Variants in CAMTA1 observed in about 807,000 individuals in gnomAD.
CAMTA1 encodes the protein calmodulin binding transcription activator 1.
Under a neutral mutation model 170.9 loss-of-function variants are expected in CAMTA1, and 27 were observed. That is an observed-to-expected ratio of 0.16 (90% CI 0.12 to 0.22). The LOEUF is 0.22. Ranked by LOEUF, CAMTA1 falls within the 10% of genes least tolerant of loss-of-function variation. CAMTA1 has a pLI of 1.00. For missense variants in CAMTA1, 1,619 were observed against 2,217.2 expected, an observed-to-expected ratio of 0.73 and a Z score of 5.42; for synonymous variants, 833 against 891.5, an observed-to-expected ratio of 0.93 and a Z score of 1.17.
intron 5 of CAMTA1, among the ~76,000 whole-genome samples, chr1:7,312,356 A>G (rs1276563565): frequency 6.6e-6 from 1 of 150,772 alleles, no homozygotes; most frequent in Non-Finnish European, 1.5e-5. Context: ...GAGTGTCCAG[A>G]GCCTGTTTTC....
At chr1:7,317,527 A>C (rs1677708459) in intron 5 of CAMTA1, among the ~76,000 whole-genome samples, 1 of 152,254 alleles carries the variant, frequency 6.6e-6, no homozygotes, top group Non-Finnish European at 1.5e-5. Flanking sequence ...TCGTGTTGTT[A>C]TCTAAGCAAA....
At chr1:7,713,243 A>G (rs916024948) in intron 11 of CAMTA1, among the ~76,000 whole-genome samples, 2 of 152,312 alleles carry the variant, frequency 1.3e-5, no homozygotes, top group East Asian at 3.9e-4. Context: ...CCATTCATCC[A>G]CGTAATTTTA....
chr1:7,365,393 C>T (rs1480210227), intron 5 of CAMTA1, among the ~76,000 whole-genome samples: 1 of 152,174 alleles, frequency 6.6e-6, no homozygotes, highest in Non-Finnish European at 1.5e-5. Context: ...TATTACTGGG[C>T]TATTACTGGA....
chr1:6,809,260 C>T (rs534955499), intron 1 of CAMTA1, among the ~76,000 whole-genome samples: 1 of 152,212 alleles, frequency 6.6e-6, no homozygotes, highest in East Asian at 1.9e-4. Flanking sequence ...CTCCTGACCT[C>T]AGGTGATCCG....
chr1:7,164,233 T>C (rs1258272752), intron 4 of CAMTA1, among the ~76,000 whole-genome samples: 1 of 152,202 alleles, frequency 6.6e-6, no homozygotes, highest in Non-Finnish European at 1.5e-5. Flanking sequence ...CAATATTGAC[T>C]AAGAGCCTCC....
chr1:7,043,363 ATG>A (rs1704790827), intron 3 of CAMTA1, among the ~76,000 whole-genome samples: 1 of 80,588 alleles, frequency 1.2e-5, no homozygotes, highest in African/African-American at 8.3e-5. Context: ...GAGTGTGTGC[ATG>A]TCTCTGTGTG....
chr1:6,806,775 TTATA>T (rs1265903254), intron 1 of CAMTA1, among the ~76,000 whole-genome samples: 1 of 152,358 alleles, frequency 6.6e-6, no homozygotes, highest in East Asian at 1.9e-4. Flanking sequence ...AACTAGCAGA[TTATA>T]TATATGAATA....
intron 5 of CAMTA1, among the ~76,000 whole-genome samples, chr1:7,336,600 G>A (rs2083396385): frequency 6.6e-6 from 1 of 152,198 alleles, no homozygotes; most frequent in South Asian, 2.1e-4. Flanking sequence ...AGAGGCACAG[G>A]GCTTGTTACA....
At chr1:7,358,541 C>A (rs1367344147) in intron 5 of CAMTA1, among the ~76,000 whole-genome samples, 1 of 152,138 alleles carries the variant, frequency 6.6e-6, no homozygotes, top group African/African-American at 2.4e-5. Flanking sequence ...TCCCTGCATG[C>A]CCCGCGCCAC....
At chr1:6,944,779 C>T (rs551237217) in intron 3 of CAMTA1, among the ~76,000 whole-genome samples, 3 of 152,336 alleles carry the variant, frequency 2.0e-5, no homozygotes, top group African/African-American at 7.2e-5. Context: ...GCAGTTTTTC[C>T]ACTGTACCAA....
At chr1:7,422,190 A>G (rs1440622791) in intron 5 of CAMTA1, among the ~76,000 whole-genome samples, 1 of 152,064 alleles carries the variant, frequency 6.6e-6, no homozygotes, top group African/African-American at 2.4e-5. Context: ...TGGGTCGTAC[A>G]TGCAGGCGTG....
At chr1:6,804,666 T>C (rs891262805) in intron 1 of CAMTA1, among the ~76,000 whole-genome samples, 1 of 152,224 alleles carries the variant, frequency 6.6e-6, no homozygotes, top group African/African-American at 2.4e-5. Flanking sequence ...AAGGTTTTTA[T>C]CTATGTTGTA....
At chr1:7,191,041 A>G (rs1422743115) in intron 4 of CAMTA1, among the ~76,000 whole-genome samples, 1 of 152,110 alleles carries the variant, frequency 6.6e-6, no homozygotes, top group Non-Finnish European at 1.5e-5. Flanking sequence ...ACATACTGAG[A>G]TAGTGCAGGT....
intron 3 of CAMTA1, among the ~76,000 whole-genome samples, chr1:6,912,278 C>G (rs1679880525): frequency 6.6e-6 from 1 of 152,204 alleles, no homozygotes; most frequent in African/African-American, 2.4e-5. Flanking sequence ...CAAGTTCTTT[C>G]CAACTGGCTG....
At chr1:7,204,013 A>G (rs1170095082) in intron 4 of CAMTA1, among the ~76,000 whole-genome samples, 1 of 148,752 alleles carries the variant, frequency 6.7e-6, no homozygotes, top group Non-Finnish European at 1.5e-5. Flanking sequence ...TTTTTTTGGT[A>G]TTTTTTAGTA....
intron 6 of CAMTA1, among the ~76,000 whole-genome samples, chr1:7,540,772 C>CA (rs539182976): frequency 1.3e-4 from 20 of 150,438 alleles, no homozygotes; most frequent in South Asian, 2.1e-4. Context: ...GTTACATAGT[C>CA]AAAAAAAAAG....
intron 3 of CAMTA1, among the ~76,000 whole-genome samples, chr1:7,004,600 C>G (rs780973665): frequency 2.6e-5 from 4 of 152,136 alleles, no homozygotes; most frequent in Non-Finnish European, 4.4e-5. Flanking sequence ...ATATGCCGAT[C>G]CATGAATGAA....
rs2092591521 is a variant in CAMTA1 at position 7,443,157 on chromosome 1, G to A, written c.439-24673G>A. ...CAAGTCAAAGCCCTGGATGACGGCT[G>A]CAAAGCATAAGGCTTCGGGTTCCCA... is the stretch of plus-strand genomic sequence containing the variant. On this transcript the variant is annotated intron_variant, in intron 5 of 22. Coordinates refer to ENST00000303635, the MANE Select transcript of CAMTA1 (RefSeq NM_015215.4). This position sits in a 1 kb window ranked among gnomAD's most constrained non-coding sequence, Gnocchi z 4.1. Among the ~76,000 whole-genome samples, 2 of 152,222 alleles carry A rather than the reference G, an allele frequency of 1.3e-5. No individual in the cohort carries two copies. The highest frequency in any genetic ancestry group is 4.8e-5 in the African/African-American group (2 of 41,454).
chr1:7,106,777 C>G (rs557134664), intron 4 of CAMTA1, among the ~76,000 whole-genome samples: 2 of 152,124 alleles, frequency 1.3e-5, no homozygotes, highest in African/African-American at 4.8e-5. Flanking sequence ...GATGTTGCAT[C>G]TCATGAACCT....
Sources: gnomAD v4.1 joint callset for allele counts (sites outside exome capture counted in the v4.1 genomes callset) on GRCh38, gnomAD v4.1.1 for gene constraint, Gnocchi (gnomAD v3.1) non-coding constraint, MANE v1.5 for transcripts, NCBI Gene and HGNC (gene_info 2026-07-23, HGNC 2026-07-21) for gene names.